The following RASSF8 variants were observed in gnomAD, a reference collection of about 807,000 sequenced individuals.
The protein encoded by RASSF8 is Ras association domain family member 8.
In RASSF8, 22 loss-of-function variants were observed where a neutral mutation model predicts 48.5. That is an observed-to-expected ratio of 0.45 (90% CI 0.32 to 0.65). RASSF8 has a LOEUF of 0.65. RASSF8 is among the 30% of genes least tolerant of loss of function. The pLI, the probability that RASSF8 is intolerant of heterozygous loss-of-function variation, is 0.03. For missense variants in RASSF8, 418 were observed against 489.2 expected (o/e 0.85, Z 1.37); for synonymous variants, 127 against 171.5 (o/e 0.74, Z 2.03).
chr12:26,008,846 T>C (rs1228455277), intron 2 of RASSF8, among the ~76,000 whole-genome samples: 1 of 152,186 alleles, frequency 6.6e-6, no homozygotes, highest in Non-Finnish European at 1.5e-5. Flanking sequence ...GAGACTGATA[T>C]GCTCCCTCTA....
intron 1 of RASSF8, among the ~76,000 whole-genome samples, chr12:25,990,019 G>A (rs971141890): frequency 1.3e-5 from 2 of 152,130 alleles, no homozygotes; most frequent in Non-Finnish European, 2.9e-5. Context: ...CCTTGACAAG[G>A]TTGTGAACAG....
At chr12:26,062,228 T>C (rs1307506299) in intron 3 of RASSF8, among the ~76,000 whole-genome samples, 5 of 152,222 alleles carry the variant, frequency 3.3e-5, no homozygotes, top group Non-Finnish European at 7.3e-5. Context: ...AAGCAGTTTG[T>C]ACACATGGGA....
intron 2 of RASSF8, among the ~76,000 whole-genome samples, chr12:25,998,848 T>TA (rs1386893578): frequency 1.3e-5 from 2 of 152,186 alleles, no homozygotes; most frequent in East Asian, 3.9e-4. Flanking sequence ...ATGGCTAGTC[T>TA]AATTAATAAA....
intron 2 of RASSF8, among the ~76,000 whole-genome samples, chr12:26,000,094 A>G (rs1472794324): frequency 6.6e-6 from 1 of 152,252 alleles, no homozygotes; most frequent in Non-Finnish European, 1.5e-5. Flanking sequence ...AATAAATAAG[A>G]GCCAAGAAAT....
chr12:25,976,919 T>G (rs563983128), intron 1 of RASSF8, among the ~76,000 whole-genome samples: 2 of 152,160 alleles, frequency 1.3e-5, no homozygotes, highest in Non-Finnish European at 2.9e-5. Flanking sequence ...AAGTTGTGAA[T>G]TTAGCCTATA....
At chr12:25,996,476 A>T (rs1339763771) in intron 2 of RASSF8, among the ~76,000 whole-genome samples, 3 of 151,922 alleles carry the variant, frequency 2.0e-5, no homozygotes, top group African/African-American at 7.3e-5. Context: ...ATGTTTGGGG[A>T]TTTTGTGTAT....
At chr12:26,016,293 A>T (rs1942648806) in intron 2 of RASSF8, among the ~76,000 whole-genome samples, 1 of 151,542 alleles carries the variant, frequency 6.6e-6, no homozygotes, top group Non-Finnish European at 1.5e-5. Flanking sequence ...TTTAAAGTCT[A>T]ATAACCAGTG....
intron 1 of RASSF8, among the ~76,000 whole-genome samples, chr12:25,985,918 C>T (rs928379468): frequency 2.0e-5 from 3 of 152,052 alleles, no homozygotes; most frequent in Non-Finnish European, 2.9e-5. Flanking sequence ...CTGTGCCTCT[C>T]GTATCATCAG....
chr12:26,039,252 T>G (rs571580481), intron 2 of RASSF8, among the ~76,000 whole-genome samples: 1 of 152,274 alleles, frequency 6.6e-6, no homozygotes, highest in South Asian at 2.1e-4. Flanking sequence ...TGTTTTTTTC[T>G]TAGGCAGGTG....
chr12:25,994,273 A>ATT (rs539646043), intron 1 of RASSF8, among the ~76,000 whole-genome samples: 2 of 39,684 alleles, frequency 5.0e-5, no homozygotes, highest in East Asian at 7.6e-3. Flanking sequence ...GTCTGGATAG[A>ATT]TTTTTAAAAA....
chr12:26,073,276 G>T (rs1457094982), downstream of RASSF8, among the ~76,000 whole-genome samples: 1 of 152,156 alleles, frequency 6.6e-6, no homozygotes, highest in Non-Finnish European at 1.5e-5. Flanking sequence ...CATAGCATTT[G>T]AACTTAGATG....
rs752338515 is a variant in RASSF8, at chr12:26,072,531, T to G, written c.*3713T>G. On this transcript the variant is annotated 3_prime_UTR_variant, in exon 6 of 6. Coordinates refer to ENST00000689635, the MANE Select transcript of RASSF8 (RefSeq NM_001394098.1). The stretch of plus-strand genomic sequence containing the variant: ...AGGCAATAAAGTATATACATATATA[T>G]GGGGGGAGGGGAAAGATTAAAAAAT... The G allele has an allele frequency of 2.0e-6, 2 of 980,390 alleles. No individual in the cohort carries two copies. The highest frequency in any genetic ancestry group is 2.4e-6 in the Non-Finnish European group (2 of 825,546). 60.7% of individuals were successfully genotyped at this position (980,390 alleles called of 1,614,324 possible).
chr12:26,007,234 G>A (rs1367402196), intron 2 of RASSF8, among the ~76,000 whole-genome samples: 1 of 152,104 alleles, frequency 6.6e-6, no homozygotes, highest in Non-Finnish European at 1.5e-5. Context: ...CCTCCCACTA[G>A]GCCCCACGTC....
Position 26,028,961 on chromosome 12 carries a change from T to C in RASSF8, c.-108-26275T>C, listed in dbSNP as rs139888935. On this transcript the variant is annotated intron_variant, in intron 2 of 5. Coordinates refer to ENST00000689635, the MANE Select transcript of RASSF8 (RefSeq NM_001394098.1). ...TGGTGCACGATACTTAGGTTTGACA[T>C]GCAAAACTAATTGAAAAAAGCCGTA... Among the ~76,000 whole-genome samples, 3 of 152,304 alleles carry C rather than the reference T, an allele frequency of 2.0e-5. No individual in the cohort carries two copies. The East Asian group carries it at 5.8e-4, about 29-fold the overall frequency.
chr12:25,989,432 A>G (rs1055390847), intron 1 of RASSF8, among the ~76,000 whole-genome samples: 1 of 152,000 alleles, frequency 6.6e-6, no homozygotes, highest in African/African-American at 2.4e-5. Flanking sequence ...GATAGAAGAC[A>G]CCTAAATAAT....
At chr12:25,995,835 C>T (rs937002441) in intron 2 of RASSF8, among the ~76,000 whole-genome samples, 5 of 152,212 alleles carry the variant, frequency 3.3e-5, no homozygotes, top group African/African-American at 1.2e-4. Context: ...AAATTCTTCA[C>T]ACTTTACAGG....
In RASSF8 at chr12:25,969,996, A is replaced by G. The variant is rs916171910; in HGVS notation, c.-203+10848A>G. On this transcript the variant is annotated intron_variant, in intron 1 of 5. Transcript: ENST00000689635. The stretch of plus-strand genomic sequence containing the variant: ...CTGCCTCCTCAAGATTTCTTAACCT[A>G]TAGTCCCTGTGTGGGCAGCAGGGAA... Among the ~76,000 whole-genome samples, 10 of 151,926 alleles carry G rather than the reference A, an allele frequency of 6.6e-5. No individual in the cohort carries two copies. In the South Asian group the frequency reaches 1.5e-3, roughly 22 times the overall value.
intron 2 of RASSF8, among the ~76,000 whole-genome samples, chr12:26,016,864 GTTCA>G (rs1942664109): frequency 6.6e-6 from 1 of 152,104 alleles, no homozygotes; most frequent in Non-Finnish European, 1.5e-5. Context: ...ATCATCTGAA[GTTCA>G]TTCATTAGTT....
At chr12:26,078,961 T>C in intron 5 of RASSF8, 1 of 1,421,944 alleles carries the variant, frequency 7.0e-7, no homozygotes. Context: ...GAGATCATGA[T>C]TATGTATACA....
Sources: gnomAD v4.1 joint callset for allele counts (sites outside exome capture counted in the v4.1 genomes callset) on GRCh38, gnomAD v4.1.1 for gene constraint, MANE v1.5 for transcripts, NCBI Gene and HGNC (gene_info 2026-07-23, HGNC 2026-07-21) for gene names.